PIP5K1C: variants seen among roughly 807,000 people sequenced by gnomAD.
PIP5K1C encodes the protein phosphatidylinositol-4-phosphate 5-kinase type 1 gamma, also known as phosphatidylinositol 4-phosphate 5-kinase type-1 gamma.
PIP5K1C carries 45 observed loss-of-function variants against 80.1 expected under a neutral mutation model. The observed-to-expected ratio is 0.56, with a 90% confidence interval of 0.44 to 0.72. PIP5K1C has a LOEUF of 0.72. PIP5K1C is among the 30% of genes least tolerant of loss of function. The pLI is 0.00. For missense variants in PIP5K1C, 753 were observed against 954.6 expected (o/e 0.79, Z 2.78); for synonymous variants, 498 against 420.1 (o/e 1.19, Z -2.27).
intron 16 of PIP5K1C, among the ~76,000 whole-genome samples, chr19:3,634,105 C>G (rs762761183): frequency 6.6e-6 from 1 of 152,132 alleles, no homozygotes; most frequent in Admixed American, 6.5e-5. Context: ...AGCCAGGAGA[C>G]GCCTTCCTGA....
rs376323098 is a variant in PIP5K1C, at chr19:3,693,978, T to C, written c.94+6319A>G. Among the ~76,000 whole-genome samples, 774 of 152,170 alleles carry C rather than the reference T, an allele frequency of 5.1e-3. 13 individuals are homozygous for C. The highest frequency in any genetic ancestry group is 0.018 in the African/African-American group (730 of 41,524). ...CTGTAATCCCAGCACTTTGGGAGGCTGAGGCGGGCGGATCACCAGGTCAGG... is the reference window on the plus strand; with the variant it reads ...CTGTAATCCCAGCACTTTGGGAGGCCGAGGCGGGCGGATCACCAGGTCAGG... On this transcript the variant is annotated intron_variant, in intron 1 of 17. Transcript: ENST00000335312.
At chr19:3,670,326 T>A (rs891198628) in intron 1 of PIP5K1C, among the ~76,000 whole-genome samples, 1 of 152,164 alleles carries the variant, frequency 6.6e-6, no homozygotes, top group Non-Finnish European at 1.5e-5. Context: ...GATGAGGTCA[T>A]GCCGGAGTGG....
At chr19:3,636,916 T>TG in intron 16 of PIP5K1C, 1 of 1,006,510 alleles carries the variant, frequency 9.9e-7, no homozygotes, top group African/African-American at 1.7e-5. Context: ...CACAGCTACG[T>TG]GGGGCCCATG....
intron 1 of PIP5K1C, among the ~76,000 whole-genome samples, chr19:3,668,232 A>T (rs1157250942): frequency 2.0e-5 from 3 of 151,908 alleles, no homozygotes. Flanking sequence ...CCTAGGACCC[A>T]GGACCACATC....
At chr19:3,645,182 A>T (rs549765382) in intron 11 of PIP5K1C, among the ~76,000 whole-genome samples, 1 of 152,286 alleles carries the variant, frequency 6.6e-6, no homozygotes, top group East Asian at 1.9e-4. Flanking sequence ...ACCTCCCTGC[A>T]ACCCCCGTGG....
intron 1 of PIP5K1C, among the ~76,000 whole-genome samples, chr19:3,687,531 G>A (rs373518952): frequency 2.5e-4 from 27 of 109,400 alleles, no homozygotes; most frequent in South Asian, 8.4e-4. Flanking sequence ...ACATGCACAC[G>A]CACACACATA....
At chr19:3,685,016 T>G (rs964461017) in intron 1 of PIP5K1C, among the ~76,000 whole-genome samples, 2 of 152,248 alleles carry the variant, frequency 1.3e-5, no homozygotes, top group Admixed American at 6.5e-5. Flanking sequence ...TATTTTGTCA[T>G]TTTTATTTAT....
chr19:3,642,343 G>A (rs1166464829), intron 14 of PIP5K1C, among the ~76,000 whole-genome samples: 1 of 152,232 alleles, frequency 6.6e-6, no homozygotes, highest in Non-Finnish European at 1.5e-5. Context: ...GTCCCCGAGG[G>A]CTGGGCACTT....
chr19:3,691,302 G>A (rs913390657), intron 1 of PIP5K1C, among the ~76,000 whole-genome samples: 2 of 152,196 alleles, frequency 1.3e-5, no homozygotes. Context: ...GCTGCGTTTT[G>A]TTTTCTGGAT....
At chr19:3,636,385 G>A in intron 16 of PIP5K1C, 1 of 985,336 alleles carries the variant, frequency 1.0e-6, no homozygotes, top group Non-Finnish European at 1.2e-6. Context: ...CCTCCCTTCT[G>A]GCCCCCACAC....
intron 1 of PIP5K1C, among the ~76,000 whole-genome samples, chr19:3,685,562 C>T (rs1265981282): frequency 6.6e-6 from 1 of 151,962 alleles, no homozygotes; most frequent in African/African-American, 2.4e-5. Context: ...AACCCCGTCT[C>T]TACTAAAAAT....
intron 1 of PIP5K1C, among the ~76,000 whole-genome samples, chr19:3,679,336 C>T (rs796671232): frequency 7.9e-5 from 12 of 152,320 alleles, no homozygotes; most frequent in African/African-American, 2.9e-4. Context: ...GCCTCAGGGG[C>T]CTTGCGCGTG....
chr19:3,663,155 C>T (rs970224208), intron 3 of PIP5K1C, among the ~76,000 whole-genome samples: 3 of 152,290 alleles, frequency 2.0e-5, no homozygotes, highest in Non-Finnish European at 4.4e-5. Flanking sequence ...AGTGAGCCTC[C>T]GCGCCCGGCC....
At chr19:3,652,173 G>C (rs1323614883) in intron 7 of PIP5K1C, 142 bp from the exon 8 acceptor site, 1 of 699,256 alleles carries the variant, frequency 1.4e-6, no homozygotes, top group Non-Finnish European at 2.5e-6. Context: ...AGGCAGGAGT[G>C]GGGGTTCTAG....
intron 1 of PIP5K1C, among the ~76,000 whole-genome samples, chr19:3,695,540 G>A (rs981250659): frequency 4.6e-5 from 7 of 152,170 alleles, no homozygotes; most frequent in African/African-American, 1.7e-4. Context: ...CGCTGGGTGT[G>A]AACCCAGGAG....
rs1384529229 is a variant in PIP5K1C, at chr19:3,633,468, G to GA, written c.1972_1973insT (p.Ala658ValfsTer84). The GA allele has an allele frequency of 1.3e-6, 2 of 1,510,768 alleles. No homozygotes were observed. Among genetic ancestry groups the GA allele is most frequent in the Non-Finnish European group, 1.8e-6 (2 of 1,127,604 alleles). 93.6% of individuals were successfully genotyped at this position (1,510,768 alleles called of 1,614,324 possible). A position where few individuals can be genotyped will look rare whatever the true frequency, so the allele number is the denominator to read the frequency against. ...GCTCTCGCCGTCGGAGGCCGGGGGG[G>GA]CCTGGGCGCTATAGTGGAGCGGGGA... On this transcript the variant is annotated frameshift_variant, in exon 17 of 18. Coordinates refer to ENST00000335312, the MANE Select transcript of PIP5K1C (RefSeq NM_012398.3). LOFTEE classifies it high-confidence loss of function.
rs2033761185 is a variant in PIP5K1C, at chr19:3,637,733, C to G, written c.1920+1151G>C. 6.6e-7 allele frequency: 1 copy of G among 1,521,950 alleles called. No homozygotes were observed. Among genetic ancestry groups the G allele is most frequent in the East Asian group, 2.4e-5 (1 of 40,826 alleles). The allele number at this position is 1,521,950 out of a possible 1,614,324, so 94.3% of individuals were successfully genotyped here. ...GGAGGTGGCGGGGAGCAGGTGGGGA[C>G]AGCTGACTGCCAAGCAGAAGGTGGG... On this transcript the variant is annotated intron_variant, in intron 16 of 17. Coordinates refer to ENST00000335312, the MANE Select transcript of PIP5K1C (RefSeq NM_012398.3). The surrounding 1 kb of genome is among the most constrained non-coding windows in gnomAD (Gnocchi z 7.0).
At chr19:3,643,956 C>G (rs2034095369) in intron 12 of PIP5K1C, 131 bp downstream of exon 12, 3 of 1,098,298 alleles carry the variant, frequency 2.7e-6, no homozygotes, top group East Asian at 5.2e-5. Flanking sequence ...ACTCCCTGGG[C>G]AGGCGGCCCT....
intron 1 of PIP5K1C, among the ~76,000 whole-genome samples, chr19:3,670,952 C>G (rs2035185473): frequency 1.3e-5 from 2 of 152,266 alleles, no homozygotes; most frequent in African/African-American, 2.4e-5. Flanking sequence ...CACAAAGGGC[C>G]TGCTCTGGGC....
Sources: allele counts gnomAD v4.1 joint callset (sites outside exome capture counted in the v4.1 genomes callset), GRCh38; gene constraint gnomAD v4.1.1; non-coding constraint Gnocchi (gnomAD v3.1); transcripts MANE v1.5; gene names NCBI Gene and HGNC (gene_info 2026-07-23, HGNC 2026-07-21).